Variants in DCC observed in about 807,000 individuals in gnomAD.
The protein encoded by DCC is netrin receptor DCC.
DCC carries 58 observed loss-of-function variants against 172.5 expected under a neutral mutation model. That is an observed-to-expected ratio of 0.34 (90% CI 0.27 to 0.42). The LOEUF (loss-of-function observed/expected upper bound fraction) is 0.42, where lower values mean the gene tolerates loss of function less well. Among genes scored for constraint, DCC ranks in the 10% least tolerant of loss-of-function variants. DCC has a pLI of 1.00. For synonymous variants in DCC, 709 were observed against 644.5 expected (o/e 1.10, Z -1.52); for missense variants, 1,740 against 1,791.0 (o/e 0.97, Z 0.51).
At chr18:53,158,988 CAAA>C (rs558049091) in intron 8 of DCC, among the ~76,000 whole-genome samples, 3 of 52,364 alleles carry the variant, frequency 5.7e-5, no homozygotes, top group Non-Finnish European at 7.6e-5. Context: ...GACGCCATCT[CAAA>C]AAAAAAAAAA....
In DCC at chr18:52,497,322, CACAT is replaced by C. The variant is rs1234772864; in HGVS notation, c.91+156446_91+156449del. On this transcript the variant is annotated intron_variant, in intron 1 of 28. Transcript: ENST00000442544. ...ATATATATATATATATATACACACA[CACAT>C]ATATATACACACGTATGCATATATA... Among the ~76,000 whole-genome samples the C allele has an allele frequency of 2.3e-4, 8 of 35,038 alleles. 2 individuals carry two copies. In the South Asian group the frequency reaches 2.8e-3, roughly 12 times the overall value. The allele number at this position is 35,038 out of a possible 152,430, so 23.0% of individuals were successfully genotyped here. A position where few individuals can be genotyped will look rare whatever the true frequency, so the allele number is the denominator to read the frequency against.
At position 52,485,885 on chromosome 18, in the gene DCC, A is replaced by G. The variant is rs150083058; in HGVS notation, c.91+145007A>G. ...AATAATTTTTATTTGAAAAACAACT[A>G]TATTTTTAGATCATAAATATCATAT... On this transcript the variant is annotated intron_variant, in intron 1 of 28. Transcript: ENST00000442544. Among the ~76,000 whole-genome samples, 503 of 152,278 alleles carry G rather than the reference A, an allele frequency of 3.3e-3. 2 individuals are homozygous for G. Among genetic ancestry groups the G allele is most frequent in the Non-Finnish European group, 5.7e-3 (386 of 68,004 alleles).
chr18:52,960,056 C>T (rs2040816986), intron 5 of DCC, among the ~76,000 whole-genome samples: 1 of 152,076 alleles, frequency 6.6e-6, no homozygotes. Context: ...CTAACATGGA[C>T]TTTAAGTAGG....
At chr18:52,753,520 C>T (rs1375397779) in intron 2 of DCC, among the ~76,000 whole-genome samples, 1 of 152,054 alleles carries the variant, frequency 6.6e-6, no homozygotes, top group African/African-American at 2.4e-5. Flanking sequence ...TTGCAGAGTC[C>T]ATTTTTTTGT....
rs367591898 is a variant in DCC at position 53,405,190 on chromosome 18, T to TA, written c.2935+2312dup. On this transcript the variant is annotated intron_variant, in intron 19 of 28. Coordinates refer to ENST00000442544, the MANE Select transcript of DCC (RefSeq NM_005215.4). The stretch of plus-strand genomic sequence containing the variant: ...AAGTGCAACAATTAATAATAAAAAG[T>TA]AAAAAAAAAAAAAAAGAAATGAGCT... 5.9e-3 allele frequency among the ~76,000 whole-genome samples: 815 copies of TA among 139,044 alleles called. 3 individuals are homozygous for TA. The highest frequency in any genetic ancestry group is 0.011 in the African/African-American group (395 of 37,306). The allele number at this position is 139,044 out of a possible 152,430, so 91.2% of individuals were successfully genotyped here. A position where few individuals can be genotyped will look rare whatever the true frequency, so the allele number is the denominator to read the frequency against.
At chr18:52,359,650 G>A (rs1984532387) in intron 1 of DCC, among the ~76,000 whole-genome samples, 1 of 152,140 alleles carries the variant, frequency 6.6e-6, no homozygotes, top group Non-Finnish European at 1.5e-5. Flanking sequence ...AGGAAATGAG[G>A]AGAAGCTTGA....
chr18:52,793,001 T>C (rs1338446151), intron 2 of DCC, among the ~76,000 whole-genome samples: 1 of 152,030 alleles, frequency 6.6e-6, no homozygotes, highest in Non-Finnish European at 1.5e-5. Context: ...AGTGGAAAGT[T>C]TAATAGAAGA....
intron 1 of DCC, among the ~76,000 whole-genome samples, chr18:52,431,634 T>C (rs940867765): frequency 2.0e-5 from 3 of 152,128 alleles, no homozygotes; most frequent in East Asian, 3.9e-4. Flanking sequence ...ATGGTTCCAA[T>C]GCCAGATGAA....
intron 5 of DCC, among the ~76,000 whole-genome samples, chr18:52,998,358 A>G (rs889298234): frequency 1.3e-5 from 2 of 152,094 alleles, no homozygotes; most frequent in African/African-American, 4.8e-5. Flanking sequence ...CAACTGAACT[A>G]AGAAATAGTG....
intron 1 of DCC, among the ~76,000 whole-genome samples, chr18:52,367,202 G>C (rs1479067663): frequency 3.3e-5 from 4 of 122,524 alleles, no homozygotes; most frequent in Non-Finnish European, 5.2e-5. Flanking sequence ...CTCTGAGTGC[G>C]GGGCCCGCCA....
chr18:52,524,556 T>C (rs1396945995), intron 1 of DCC, among the ~76,000 whole-genome samples: 1 of 152,236 alleles, frequency 6.6e-6, no homozygotes, highest in African/African-American at 2.4e-5. Context: ...GATCAATCAC[T>C]ATTACTAATT....
chr18:52,983,689 T>C (rs1951030458), intron 5 of DCC, among the ~76,000 whole-genome samples: 1 of 152,170 alleles, frequency 6.6e-6, no homozygotes, highest in African/African-American at 2.4e-5. Flanking sequence ...TGGGAAGAAA[T>C]CTTATTTCAG....
At chr18:52,770,870 T>C (rs1022173796) in intron 2 of DCC, among the ~76,000 whole-genome samples, 2 of 152,214 alleles carry the variant, frequency 1.3e-5, no homozygotes, top group Admixed American at 1.3e-4. Flanking sequence ...GAGCATTACA[T>C]GATTCAGGGT....
At chr18:52,732,328 G>C (rs1223675391) in intron 1 of DCC, among the ~76,000 whole-genome samples, 1 of 152,136 alleles carries the variant, frequency 6.6e-6, no homozygotes, top group African/African-American at 2.4e-5. Flanking sequence ...CCAGGGAGAA[G>C]GGCTTTGAAA....
intron 2 of DCC, among the ~76,000 whole-genome samples, chr18:52,802,378 G>GTA (rs1264856105): frequency 8.2e-4 from 124 of 151,948 alleles, no homozygotes; most frequent in African/African-American, 2.8e-3. Flanking sequence ...ACATATACAT[G>GTA]TATATATATA....
intron 1 of DCC, among the ~76,000 whole-genome samples, chr18:52,427,835 TCTTCCTTCCTTCCTTCCTTC>T (rs1206938130): frequency 6.5e-5 from 3 of 46,062 alleles, no homozygotes; most frequent in South Asian, 7.9e-4. Flanking sequence ...TTCCTTCCTT[TCTTCCTTCCTTCCTTCCTTC>T]CTTCCTTCCT....
intron 1 of DCC, among the ~76,000 whole-genome samples, chr18:52,538,546 C>CTTA (rs771662116): frequency 3.3e-5 from 5 of 152,036 alleles, no homozygotes; most frequent in Non-Finnish European, 7.4e-5. Context: ...TAAATCCTGC[C>CTTA]TTATTATTTG....
chr18:52,581,996 T>C (rs1278814032), intron 1 of DCC, among the ~76,000 whole-genome samples: 1 of 152,184 alleles, frequency 6.6e-6, no homozygotes, highest in Non-Finnish European at 1.5e-5. Flanking sequence ...TTCCATTATC[T>C]TCTACCGTAT....
intron 1 of DCC, among the ~76,000 whole-genome samples, chr18:52,479,585 C>T (rs879588102): frequency 3.0e-5 from 4 of 133,584 alleles, no homozygotes; most frequent in Non-Finnish European, 6.4e-5. Flanking sequence ...CCTCCACCCC[C>T]CCCCCGTCTC....
Sources: gnomAD v4.1 joint callset for allele counts (sites outside exome capture counted in the v4.1 genomes callset) on GRCh38, gnomAD v4.1.1 for gene constraint, MANE v1.5 for transcripts, NCBI Gene and HGNC (gene_info 2026-07-23, HGNC 2026-07-21) for gene names.